Variants in NPHP1 observed in about 807,000 individuals in gnomAD.
NPHP1 encodes nephrocystin 1, also known as nephrocystin-1.
In NPHP1, 70 loss-of-function variants were observed where a neutral mutation model predicts 90.4. The observed-to-expected ratio is 0.77, with a 90% CI of 0.64 to 0.95. The LOEUF is 0.95. NPHP1 is among the 40% of genes least tolerant of loss of function. NPHP1 has a pLI of 0.00. For missense variants in NPHP1, 764 were observed against 795.9 expected, an observed-to-expected ratio of 0.96 and a Z score of 0.48; for synonymous variants, 256 against 271.7, an observed-to-expected ratio of 0.94 and a Z score of 0.57.
At chr2:110,124,293 C>T in intron 19 of NPHP1, 1 of 592,936 alleles carries the variant, frequency 1.7e-6, no homozygotes, top group Non-Finnish European at 3.0e-6. Context: ...CTCTACGTGG[C>T]TCCATGAGAC....
intron 8 of NPHP1, 53 bp downstream of exon 8, chr2:110,164,635 A>C (rs759788371): frequency 1.4e-5 from 22 of 1,613,506 alleles, no homozygotes. Flanking sequence ...ATTTCGCATC[A>C]GAACTATTAG....
chr2:110,123,825 T>C lies in NPHP1; in HGVS notation c.2000A>G (p.Asp667Gly). ...EPFDLSEQTY[D>G]FLGEMRKNAV The stretch of plus-strand genomic sequence containing the variant: ...ATTCTTTCTCATTTCACCCAAGAAG[T>C]CATAGGTCTGCTCTGAAAGGTCAAA... The change falls in exon 20 of 20, where the codon GAC (aspartate) becomes GGC (glycine). Residue 667 changes from aspartate to glycine, a missense_variant. By Grantham distance (94) the Asp-to-Gly change is moderately conservative. Coordinates refer to ENST00000445609, the MANE Select transcript of NPHP1 (RefSeq NM_001128178.3). The C allele has an allele frequency of 6.2e-7, 1 of 1,614,058 alleles. No individual in the cohort carries two copies. Among genetic ancestry groups the C allele is most frequent in the Non-Finnish European group, 8.5e-7 (1 of 1,179,974 alleles).
rs779010646 is a variant in NPHP1, at chr2:110,168,526, T to G, written c.550A>C (p.Lys184Gln). 19 of 1,612,974 alleles carry G rather than the reference T, an allele frequency of 1.2e-5. No individual in the cohort carries two copies. The highest frequency in any genetic ancestry group is 1.5e-5 in the Non-Finnish European group (18 of 1,179,132). ...GCTATCCACCAACCATCAGGTTTTT[T>G]TTCAATTACAAGGAGAATTTCCCCT... ...KKGEILLVIE[K>Q]KPDGWWIAKD... Residue 184 changes from lysine (K) to glutamine (Q), a missense_variant, in exon 6 of 20, where the codon AAA becomes CAA. Physicochemically the swap from Lys to Gln is moderately conservative, Grantham distance 53. Coordinates refer to ENST00000445609, the MANE Select transcript of NPHP1 (RefSeq NM_001128178.3).
At chr2:110,164,444 C>T in intron 8 of NPHP1, 1 of 782,176 alleles carries the variant, frequency 1.3e-6, no homozygotes, top group Non-Finnish European at 2.3e-6. Context: ...GAGAATGTTT[C>T]CAAGTCCTCA....
At chr2:110,128,269 T>G (rs1250602840) in intron 18 of NPHP1, 1 of 152,170 alleles carries the variant, frequency 6.6e-6, no homozygotes, top group Admixed American at 6.5e-5. Flanking sequence ...CTCCTGCACA[T>G]GTTCTGCCTC....
chr2:110,195,444 C>T (rs1030967455), intron 2 of NPHP1, among the ~76,000 whole-genome samples: 1 of 152,092 alleles, frequency 6.6e-6, no homozygotes, highest in East Asian at 1.9e-4. Flanking sequence ...ATCCAACTTA[C>T]AAGGGATGTG....
At chr2:110,175,032 C>T (rs557259095) in intron 4 of NPHP1, among the ~76,000 whole-genome samples, 1 of 152,098 alleles carries the variant, frequency 6.6e-6, no homozygotes, top group African/African-American at 2.4e-5. Context: ...TGTCTTTAAA[C>T]AGTAACACAA....
At chr2:110,204,792 T>C in intron 1 of NPHP1, 108 bp downstream of exon 1, 1 of 1,144,130 alleles carries the variant, frequency 8.7e-7, no homozygotes, top group East Asian at 2.4e-5. Context: ...GTAAGTAGGT[T>C]GGGGGCAAGC....
At chr2:110,190,664 GCTC>G (rs779920973) in intron 2 of NPHP1, among the ~76,000 whole-genome samples, 4 of 152,202 alleles carry the variant, frequency 2.6e-5, no homozygotes, top group Non-Finnish European at 5.9e-5. Flanking sequence ...AGGCTGAAGG[GCTC>G]CTCAAGTGCC....
intron 11 of NPHP1, among the ~76,000 whole-genome samples, chr2:110,151,168 G>GAAAAAAAAAAAA (rs35894521): frequency 8.6e-6 from 1 of 116,478 alleles, no homozygotes. Context: ...TCAGTCTCAA[G>GAAAAAAAAAAAA]AAAAAAAAAA....
chr2:110,160,667 C>T (rs1682245018), intron 10 of NPHP1, among the ~76,000 whole-genome samples: 1 of 152,114 alleles, frequency 6.6e-6, no homozygotes, highest in Admixed American at 6.6e-5. Flanking sequence ...TTATTCCAAG[C>T]AATTATCTGC....
At chr2:110,175,592 C>G (rs1683450074) in intron 4 of NPHP1, among the ~76,000 whole-genome samples, 1 of 152,024 alleles carries the variant, frequency 6.6e-6, no homozygotes, top group African/African-American at 2.4e-5. Context: ...TGTCATTTGT[C>G]TCTACATGTT....
chr2:110,173,216 C>A (rs1400664403), intron 4 of NPHP1, among the ~76,000 whole-genome samples: 5 of 152,008 alleles, frequency 3.3e-5, no homozygotes, highest in Non-Finnish European at 7.4e-5. Flanking sequence ...TCAGCACAGG[C>A]GTGAGCCACC....
chr2:110,125,229 T>C (rs1679262707), intron 19 of NPHP1: 3 of 1,535,304 alleles, frequency 2.0e-6, no homozygotes, highest in East Asian at 2.4e-5. Context: ...CATGATTTTA[T>C]AGCAAGGTAA....
intron 9 of NPHP1, 97 bp downstream of exon 9, chr2:110,162,951 T>C: frequency 1.3e-6 from 1 of 796,402 alleles, no homozygotes; most frequent in Non-Finnish European, 2.2e-6. Flanking sequence ...AGATTCAACA[T>C]CTTCTTCAAC....
intron 2 of NPHP1, among the ~76,000 whole-genome samples, chr2:110,186,490 G>A (rs1684292178): frequency 6.6e-6 from 1 of 152,092 alleles, no homozygotes; most frequent in Non-Finnish European, 1.5e-5. Flanking sequence ...GGAGCTAATG[G>A]AGCCAGGCCT....
intron 18 of NPHP1, chr2:110,128,175 C>G (rs1679506295): frequency 6.6e-6 from 1 of 152,134 alleles, no homozygotes; most frequent in Non-Finnish European, 1.5e-5. Flanking sequence ...TTGTAGATGA[C>G]TGAGTCCTCC....
At chr2:110,140,765 A>G (rs1028904142) in intron 16 of NPHP1, among the ~76,000 whole-genome samples, 1 of 152,182 alleles carries the variant, frequency 6.6e-6, no homozygotes, top group Non-Finnish European at 1.5e-5. Flanking sequence ...AGGCTGGCCA[A>G]AAAAGAGGAT....
At position 110,160,073 on chromosome 2, in the gene NPHP1, G is replaced by A. The variant is rs1453565184; in HGVS notation, c.1083+54C>T. On this transcript the variant is annotated intron_variant, in intron 11 of 19. Coordinates refer to ENST00000445609, the MANE Select transcript of NPHP1 (RefSeq NM_001128178.3). ...GGAGTTGAATGGAAAAGAATCTAAG[G>A]GAATGTTTCTCCATAATCCTAGTAT... 1.9e-6 allele frequency: 3 copies of A among 1,570,432 alleles called. No homozygotes were observed. In the Admixed American group the frequency reaches 5.0e-5, roughly 26 times the overall value.
Sources: allele counts gnomAD v4.1 joint callset (sites outside exome capture counted in the v4.1 genomes callset), GRCh38; gene constraint gnomAD v4.1.1; transcripts MANE v1.5; gene names NCBI Gene and HGNC (gene_info 2026-07-23, HGNC 2026-07-21).